The following IL22RA1 variants were observed in gnomAD, a reference collection of about 807,000 sequenced individuals.
IL22RA1 encodes the protein interleukin-22 receptor subunit alpha-1.
IL22RA1 carries 25 observed loss-of-function variants against 32.8 expected under a neutral mutation model. That is an observed-to-expected ratio of 0.76 (90% CI 0.55 to 1.06). IL22RA1 has a LOEUF of 1.06. IL22RA1 is among the 50% of genes least tolerant of loss of function. The probability of loss-of-function intolerance (pLI) is 0.00; values close to 1 mark genes in which losing one functional copy is unlikely to be tolerated. For synonymous variants in IL22RA1, 305 were observed against 305.0 expected, an observed-to-expected ratio of 1.00 and a Z score of 0.00; for missense variants, 709 against 727.4, an observed-to-expected ratio of 0.97 and a Z score of 0.29.
intron 1 of IL22RA1, 32 bp from the exon 2 acceptor site, chr1:24,138,746 G>T (rs1427181515): frequency 6.2e-7 from 1 of 1,608,432 alleles, no homozygotes; most frequent in Non-Finnish European, 8.5e-7. Flanking sequence ...GTGAGCAGGG[G>T]CTTTCCCAGG....
chr1:24,128,156 C>T lies in IL22RA1; in HGVS notation c.655G>A (p.Val219Met). ...AKESAPYMCR[V>M]KTLPDRTWTY... Reference sequence around the variant, plus strand: ...CCGAACTCACCTGGCAGTGTCTTCACTCGGCACATGTAGGGGGCACTCTCC... The same window carrying T: ...CCGAACTCACCTGGCAGTGTCTTCATTCGGCACATGTAGGGGGCACTCTCC... The change falls in exon 5 of 7, where the codon GTG becomes ATG. Residue 219 changes from valine (V) to methionine (M), a missense_variant. Transcript: ENST00000270800. The T allele has an allele frequency of 1.9e-6, 3 of 1,549,332 alleles. No homozygotes were observed. Among genetic ancestry groups the T allele is most frequent in the Admixed American group, 1.9e-5 (1 of 53,396 alleles).
At chr1:24,127,683 A>G (rs2148571496) in intron 5 of IL22RA1, among the ~76,000 whole-genome samples, 1 of 152,240 alleles carries the variant, frequency 6.6e-6, no homozygotes, top group South Asian at 2.1e-4. Flanking sequence ...AATAATACCT[A>G]CCTCATAGAC....
chr1:24,121,817 G>A (rs1450757206), intron 6 of IL22RA1, 80 bp from the exon 7 acceptor site: 14 of 1,173,988 alleles, frequency 1.2e-5, no homozygotes, highest in African/African-American at 1.6e-5. Flanking sequence ...GGTGGGTGAG[G>A]TCCTCCATAG....
Position 24,121,051 on chromosome 1 carries a change from C to A in IL22RA1, c.1479G>T (p.Lys493Asn). Residue 493 changes from lysine (K) to asparagine (N), a missense_variant, in exon 7 of 7, where the codon AAG (lysine) becomes AAT (asparagine). Coordinates refer to ENST00000270800, the MANE Select transcript of IL22RA1 (RefSeq NM_021258.4). Reference sequence around the variant, plus strand: ...CTGAGGAGAGGAGGGGGAGCTGGCCCTTTAGGTACTGTGGTGTCCCTTCCT... The same window carrying A: ...CTGAGGAGAGGAGGGGGAGCTGGCCATTTAGGTACTGTGGTGTCCCTTCCT... ...SGEEGTPQYL[K>N]GQLPLLSSVQ... 6.2e-7 allele frequency: 1 copy of A among 1,614,152 alleles called. No individual in the cohort carries two copies.
intron 1 of IL22RA1, among the ~76,000 whole-genome samples, chr1:24,140,753 T>G (rs368226633): frequency 2.0e-5 from 3 of 152,220 alleles, no homozygotes; most frequent in Non-Finnish European, 4.4e-5. Flanking sequence ...CGGCCCAAGC[T>G]GGCAGCTGGC....
At chr1:24,141,007 G>A (rs551982883) in intron 1 of IL22RA1, among the ~76,000 whole-genome samples, 1 of 152,326 alleles carries the variant, frequency 6.6e-6, no homozygotes, top group African/African-American at 2.4e-5. Flanking sequence ...AGGACCGATG[G>A]GGACGGAAGA....
In IL22RA1 at chr1:24,137,271, T is replaced by C; in HGVS notation, c.215A>G (p.Gln72Arg). The change falls in exon 3 of 7, where the codon CAG (glutamine) becomes CGG (arginine). Residue 72 changes from glutamine to arginine, a missense_variant. Coordinates refer to ENST00000270800, the MANE Select transcript of IL22RA1 (RefSeq NM_021258.4). Reference sequence around the variant, plus strand: ...GTTGCAGGACTTCCGGGTGATCCGCTGACAGCCCTTCTTTGCCACCCAGTC... The same window carrying C: ...GTTGCAGGACTTCCGGGTGATCCGCCGACAGCCCTTCTTTGCCACCCAGTC... Reference protein sequence around the residue: ...ERDWVAKKGCQRITRKSCNLT... With the variant: ...ERDWVAKKGCRRITRKSCNLT... 1 of 1,614,150 alleles carries C rather than the reference T, an allele frequency of 6.2e-7. No homozygotes were observed. The highest frequency in any genetic ancestry group is 8.5e-7 in the Non-Finnish European group (1 of 1,180,022).
At chr1:24,122,986 C>T (rs1644135485) in intron 6 of IL22RA1, among the ~76,000 whole-genome samples, 1 of 152,158 alleles carries the variant, frequency 6.6e-6, no homozygotes, top group Admixed American at 6.5e-5. Context: ...TCTCCTGGCG[C>T]CCACCATTCC....
At chr1:24,129,607 A>G (rs560744685) in intron 4 of IL22RA1, among the ~76,000 whole-genome samples, 1 of 152,330 alleles carries the variant, frequency 6.6e-6, no homozygotes, top group South Asian at 2.1e-4. Flanking sequence ...GGATCCAGAA[A>G]TCTTCCTTTA....
At position 24,121,857 on chromosome 1, in the gene IL22RA1, G is replaced by A. The variant is rs190929653; in HGVS notation, c.793-120C>T. On this transcript the variant is annotated intron_variant, in intron 6 of 6. Transcript: ENST00000270800. ...GCATCTGGGGGCTTTTTCAAGATGC[G>A]TCTGTCCCATATCCCCATCTGCTTC... The A allele has an allele frequency of 8.1e-3, 5,568 of 684,798 alleles. 38 individuals are homozygous for A. The highest frequency in any genetic ancestry group is 9.2e-3 in the Non-Finnish European group (4,049 of 440,644). The allele number at this position is 684,798 out of a possible 1,614,324, so 42.4% of individuals were successfully genotyped here. A position where few individuals can be genotyped will look rare whatever the true frequency, so the allele number is the denominator to read the frequency against.
rs138064122 is a variant in IL22RA1 at position 24,121,687 on chromosome 1, G to C, written c.843C>G (p.His281Gln). The C allele has an allele frequency of 6.3e-7, 1 of 1,590,806 alleles. No homozygotes were observed. The highest frequency in any genetic ancestry group is 8.6e-7 in the Non-Finnish European group (1 of 1,166,216). Residue 281 changes from histidine to glutamine, a missense_variant, in exon 7 of 7, where the codon CAC (histidine) becomes CAG (glutamine). Transcript: ENST00000270800. ...TGAGGTCAAAGACAGGGATCAGGACGTGCTCCTGGATGAAGCGCAGCGGCT... is the reference window on the plus strand; with the variant it reads ...TGAGGTCAAAGACAGGGATCAGGACCTGCTCCTGGATGAAGCGCAGCGGCT... The part of the protein sequence containing the change: ...TFQPLRFIQE[H>Q]VLIPVFDLSG...
chr1:24,142,012 GT>G (rs5773070), intron 1 of IL22RA1, among the ~76,000 whole-genome samples: 92,695 of 151,924 alleles, frequency 0.61, 30,634 homozygotes, highest in East Asian at 0.99. Context: ...ATTTCTTGGG[GT>G]CCCCCATCTC....
At position 24,137,316 on chromosome 1, in the gene IL22RA1, G is replaced by T; in HGVS notation, c.177-7C>A. On this transcript the variant is annotated splice_polypyrimidine_tract_variant and splice_region_variant and intron_variant, in intron 2 of 6. Transcript: ENST00000270800. ...CCAGTCCCTCTCTCCGTACCTGCAG[G>T]TCAGGAAGGGGCCAAGTCACCGTGG... is the stretch of plus-strand genomic sequence containing the variant. 2 of 1,612,008 alleles carry T rather than the reference G, an allele frequency of 1.2e-6. No homozygotes were observed. Among genetic ancestry groups the T allele is most frequent in the Non-Finnish European group, 1.7e-6 (2 of 1,178,342 alleles).
intron 1 of IL22RA1, among the ~76,000 whole-genome samples, chr1:24,140,739 A>C (rs982507784): frequency 6.6e-6 from 1 of 152,198 alleles, no homozygotes; most frequent in Non-Finnish European, 1.5e-5. Context: ...CTGCGGGAAA[A>C]TGGCGGCCCA....
At chr1:24,138,801 T>C (rs1557631827) in intron 1 of IL22RA1, 87 bp from the exon 2 acceptor site, 2 of 1,485,628 alleles carry the variant, frequency 1.3e-6, no homozygotes, top group Non-Finnish European at 1.8e-6. Flanking sequence ...CTGCCCCATA[T>C]AAATTTCATG....
chr1:24,125,749 G>A (rs1262328567), intron 5 of IL22RA1, among the ~76,000 whole-genome samples: 1 of 152,142 alleles, frequency 6.6e-6, no homozygotes, highest in Non-Finnish European at 1.5e-5. Flanking sequence ...CAGCTTACAG[G>A]ATTGTTGTAA....
intron 1 of IL22RA1, among the ~76,000 whole-genome samples, chr1:24,141,545 C>G (rs1182268491): frequency 6.6e-6 from 1 of 152,142 alleles, no homozygotes; most frequent in Non-Finnish European, 1.5e-5. Context: ...GGACCCTGGG[C>G]TACGTGGAGG....
intron 4 of IL22RA1, among the ~76,000 whole-genome samples, chr1:24,129,551 T>C (rs1268694496): frequency 6.6e-6 from 1 of 152,250 alleles, no homozygotes; most frequent in Non-Finnish European, 1.5e-5. Context: ...TGAAGCCATT[T>C]TGGACAAATC....
intron 1 of IL22RA1, among the ~76,000 whole-genome samples, chr1:24,142,818 T>C (rs1557633320): frequency 1.3e-5 from 2 of 152,176 alleles, no homozygotes; most frequent in Admixed American, 1.3e-4. Context: ...CGAGGGTCCT[T>C]TGGGTCCCTG....
Sources: allele counts gnomAD v4.1 joint callset (sites outside exome capture counted in the v4.1 genomes callset), GRCh38; gene constraint gnomAD v4.1.1; transcripts MANE v1.5; gene names NCBI Gene and HGNC (gene_info 2026-07-23, HGNC 2026-07-21).